SLC25A26: variants seen among roughly 807,000 people sequenced by gnomAD.
SLC25A26 encodes solute carrier family 25 member 26, also known as mitochondrial S-adenosylmethionine carrier protein.
In SLC25A26, 36 loss-of-function variants were observed where a neutral mutation model predicts 37.8. The ratio of observed to expected loss-of-function variants is 0.95; its 90% CI spans 0.73 to 1.26. SLC25A26 has a LOEUF of 1.26. Among genes scored for constraint, SLC25A26 ranks in the 50% most tolerant of loss-of-function variants. SLC25A26 has a pLI of 0.00. For synonymous variants in SLC25A26, 129 were observed against 122.5 expected, an observed-to-expected ratio of 1.05 and a Z score of -0.35; for missense variants, 390 against 331.1, an observed-to-expected ratio of 1.18 and a Z score of -1.38.
In SLC25A26 at chr3:66,320,325, G is replaced by C. The variant is rs75663570; in HGVS notation, c.454-26039G>C. Among the ~76,000 whole-genome samples the C allele has an allele frequency of 7.9e-3, 1,201 of 152,070 alleles. 40 individuals carry two copies. Among genetic ancestry groups the C allele is most frequent in the East Asian group, 0.075 (390 of 5,174 alleles). ...ACTTTATGTCTCTGTGATTTTGCCT[G>C]TTCTAGTTATTTCATATCAGTGGAC... On this transcript the variant is annotated intron_variant, in intron 5 of 9. Coordinates refer to ENST00000354883, the MANE Select transcript of SLC25A26 (RefSeq NM_001379210.1).
chr3:66,150,639 T>G (rs1227710503), intron 1 of SLC25A26, among the ~76,000 whole-genome samples: 1 of 89,876 alleles, frequency 1.1e-5, no homozygotes, highest in Non-Finnish European at 2.3e-5. Flanking sequence ...TATATATATA[T>G]ATATATATAT....
At chr3:66,152,341 G>C (rs2070220158) in intron 1 of SLC25A26, among the ~76,000 whole-genome samples, 1 of 152,164 alleles carries the variant, frequency 6.6e-6, no homozygotes, top group Non-Finnish European at 1.5e-5. Context: ...ACATCAATGA[G>C]GATGCTTTTG....
intron 5 of SLC25A26, among the ~76,000 whole-genome samples, chr3:66,301,770 T>C (rs1244980561): frequency 6.6e-6 from 1 of 152,164 alleles, no homozygotes; most frequent in Non-Finnish European, 1.5e-5. Flanking sequence ...AGCCTACAGA[T>C]ACAAGCATTA....
At chr3:66,311,962 A>T (rs56250028) in intron 5 of SLC25A26, among the ~76,000 whole-genome samples, 1 of 151,946 alleles carries the variant, frequency 6.6e-6, no homozygotes, top group African/African-American at 2.4e-5. Context: ...ATCAGGAAGC[A>T]TGGGGGTCAG....
intron 1 of SLC25A26, among the ~76,000 whole-genome samples, 199 bp downstream of exon 1, chr3:66,221,326 G>A (rs1402612035): frequency 2.6e-5 from 4 of 152,214 alleles, no homozygotes; most frequent in African/African-American, 4.8e-5. Context: ...GTACTGCCAG[G>A]TCATAAGAGC....
chr3:66,290,731 G>A (rs2074676499), intron 5 of SLC25A26, among the ~76,000 whole-genome samples: 1 of 152,096 alleles, frequency 6.6e-6, no homozygotes, highest in South Asian at 2.1e-4. Flanking sequence ...TATTATTGAG[G>A]ATTTTCACAT....
chr3:66,233,257 C>G (rs1217131556), intron 1 of SLC25A26, among the ~76,000 whole-genome samples: 1 of 152,220 alleles, frequency 6.6e-6, no homozygotes, highest in East Asian at 1.9e-4. Context: ...TGGGCACTTC[C>G]TCTCTACAGT....
Position 66,370,522 on chromosome 3 carries a change from C to G in SLC25A26, c.634-7C>G. On this transcript the variant is annotated splice_region_variant and splice_polypyrimidine_tract_variant and intron_variant, in intron 8 of 9. Coordinates refer to ENST00000354883, the MANE Select transcript of SLC25A26 (RefSeq NM_001379210.1). Reference sequence around the variant, plus strand: ...GATAACGGGTTTCTCTTTGTCTGTTCACACAGGCTGGCTCCAGCACTGCTG... The same window carrying G: ...GATAACGGGTTTCTCTTTGTCTGTTGACACAGGCTGGCTCCAGCACTGCTG... 6.2e-7 allele frequency: 1 copy of G among 1,613,060 alleles called. No individual in the cohort carries two copies. The highest frequency in any genetic ancestry group is 8.5e-7 in the Non-Finnish European group (1 of 1,179,284).
At chr3:66,295,658 C>T (rs1218818813) in intron 5 of SLC25A26, among the ~76,000 whole-genome samples, 1 of 151,782 alleles carries the variant, frequency 6.6e-6, no homozygotes, top group African/African-American at 2.4e-5. Context: ...ACCTCGGCCT[C>T]CCGAAGATTT....
At chr3:66,367,601 A>C (rs190699323) in intron 7 of SLC25A26, among the ~76,000 whole-genome samples, 32 of 152,178 alleles carry the variant, frequency 2.1e-4, no homozygotes, top group African/African-American at 5.3e-4. Flanking sequence ...GTGTATGGGA[A>C]GTTTGGGATA....
At chr3:66,319,744 CTTTT>C (rs71105981) in intron 5 of SLC25A26, among the ~76,000 whole-genome samples, 4 of 92,110 alleles carry the variant, frequency 4.3e-5, no homozygotes, top group East Asian at 3.5e-4. Context: ...GCAATTAAAT[CTTTT>C]TTTTTTTTTT....
At chr3:66,225,113 C>G (rs2071680051) in intron 1 of SLC25A26, among the ~76,000 whole-genome samples, 1 of 152,114 alleles carries the variant, frequency 6.6e-6, no homozygotes, top group African/African-American at 2.4e-5. Context: ...GACAGTGGCC[C>G]TCTTCTCACA....
At position 66,300,139 on chromosome 3, in the gene SLC25A26, T is replaced by C. The variant is rs559492230; in HGVS notation, c.453+36760T>C. Among the ~76,000 whole-genome samples the C allele has an allele frequency of 9.3e-4, 141 of 152,304 alleles. 1 individual carries two copies. Among genetic ancestry groups the C allele is most frequent in the Non-Finnish European group, 1.5e-3 (99 of 68,018 alleles). ...CCGTGTAAAAGGGTTTTTCATCCAT[T>C]CATGCTGATAAGTCTTTTGAACTTG... On this transcript the variant is annotated intron_variant, in intron 5 of 9. Transcript: ENST00000354883.
At chr3:66,181,925 T>A (rs567703978) in intron 1 of SLC25A26, among the ~76,000 whole-genome samples, 2 of 152,084 alleles carry the variant, frequency 1.3e-5, no homozygotes, top group Admixed American at 6.6e-5. Flanking sequence ...TGAGCAAGCC[T>A]GCCTGGGAGC....
Position 66,175,082 on chromosome 3 carries a change from A to G in SLC25A26, c.-354+41098A>G, listed in dbSNP as rs1289995901. On this transcript the variant is annotated intron_variant, in intron 1 of 10. Coordinates refer to the SLC25A26 transcript ENST00000676754. ...TCCAGAGATACAGAACCAACAGGAC[A>G]TTATATGTATATGTATATGTGTGTG... 2.2e-5 allele frequency among the ~76,000 whole-genome samples: 3 copies of G among 136,734 alleles called. No homozygotes were observed. The East Asian group carries it at 6.1e-4, about 28-fold the overall frequency. The allele number at this position is 136,734 out of a possible 152,430, so 89.7% of individuals were successfully genotyped here.
chr3:66,347,178 G>A (rs556757599), intron 6 of SLC25A26, among the ~76,000 whole-genome samples: 24 of 152,218 alleles, frequency 1.6e-4, no homozygotes, highest in Non-Finnish European at 3.2e-4. Flanking sequence ...TCATCAGAGC[G>A]TTCAGACTAC....
At chr3:66,191,579 T>G (rs2070942803) in intron 1 of SLC25A26, among the ~76,000 whole-genome samples, 1 of 152,134 alleles carries the variant, frequency 6.6e-6, no homozygotes, top group Non-Finnish European at 1.5e-5. Context: ...AATGTTTGTG[T>G]TCCCCCCAAA....
intron 1 of SLC25A26, among the ~76,000 whole-genome samples, chr3:66,142,252 T>C (rs984863872): frequency 6.6e-6 from 1 of 152,238 alleles, no homozygotes; most frequent in Non-Finnish European, 1.5e-5. Context: ...CTTTTGTGTC[T>C]GGCTTCTTTC....
At chr3:66,311,790 G>C (rs2075385191) in intron 5 of SLC25A26, among the ~76,000 whole-genome samples, 1 of 152,144 alleles carries the variant, frequency 6.6e-6, no homozygotes, top group African/African-American at 2.4e-5. Flanking sequence ...GTTCATTTCA[G>C]ACCCTGTGTG....
Sources: allele counts gnomAD v4.1 joint callset (sites outside exome capture counted in the v4.1 genomes callset), GRCh38; gene constraint gnomAD v4.1.1; transcripts MANE v1.5; gene names NCBI Gene and HGNC (gene_info 2026-07-23, HGNC 2026-07-21).